Variants in COL15A1 observed in about 807,000 individuals in gnomAD.
COL15A1 encodes collagen alpha-1(XV) chain.
In COL15A1, 111 loss-of-function variants were observed where a neutral mutation model predicts 165.9. The observed-to-expected ratio is 0.67, with a 90% confidence interval of 0.57 to 0.78. COL15A1 has a LOEUF of 0.78. COL15A1 is among the 30% of genes least tolerant of loss of function. The pLI is 0.00. For missense variants in COL15A1, 1,745 were observed against 1,789.7 expected (o/e 0.98, Z 0.45); for synonymous variants, 659 against 674.8 (o/e 0.98, Z 0.36).
intron 2 of COL15A1, among the ~76,000 whole-genome samples, chr9:98,976,879 G>A (rs936994179): frequency 2.6e-5 from 4 of 152,112 alleles, no homozygotes; most frequent in Admixed American, 1.3e-4. Context: ...ACCTGGTGGG[G>A]GAATCCAAGA....
intron 9 of COL15A1, among the ~76,000 whole-genome samples, chr9:99,012,744 C>T (rs1217574264): frequency 7.6e-6 from 1 of 131,666 alleles, no homozygotes; most frequent in Admixed American, 8.4e-5. Flanking sequence ...CGGAGTCTCC[C>T]TCTATTGCCC....
intron 2 of COL15A1, among the ~76,000 whole-genome samples, chr9:98,957,094 G>A (rs976546309): frequency 3.3e-5 from 5 of 152,192 alleles, no homozygotes; most frequent in African/African-American, 2.4e-5. Flanking sequence ...AATCAAGGCT[G>A]ATAATCAGCT....
chr9:99,055,897 G>A (rs1335222316), intron 34 of COL15A1, among the ~76,000 whole-genome samples: 1 of 152,220 alleles, frequency 6.6e-6, no homozygotes, highest in Non-Finnish European at 1.5e-5. Context: ...AACCAGCAAA[G>A]CCAGAGATCA....
chr9:99,056,360 C>T lies in COL15A1; in HGVS notation c.3293C>T (p.Pro1098Leu), dbSNP rs373043871. The change falls in exon 35 of 42, where the codon CCG (proline) becomes CTG (leucine). Residue 1098 changes from proline (P) to leucine (L), a missense_variant. Pro to Leu is a moderately conservative substitution (Grantham distance 98). Coordinates refer to ENST00000375001, the MANE Select transcript of COL15A1 (RefSeq NM_001855.5). Reference protein sequence around the residue: ...GFGRPGDPGPPGPPGPPGPPA... With the variant: ...GFGRPGDPGPLGPPGPPGPPA... ...GGAAGACCTGGTGATCCTGGGCCACCGGGGCCCCCGGGGCCACCAGGACCT... is the reference window on the plus strand; with the variant it reads ...GGAAGACCTGGTGATCCTGGGCCACTGGGGCCCCCGGGGCCACCAGGACCT... 13 of 1,612,932 alleles carry T rather than the reference C, an allele frequency of 8.1e-6. No homozygotes were observed. Among genetic ancestry groups the T allele is most frequent in the African/African-American group, 4.0e-5 (3 of 74,976 alleles).
In COL15A1 at chr9:99,069,793, G is replaced by C; in HGVS notation, c.4074G>C (p.Thr1358=). 1 of 1,614,236 alleles carries C rather than the reference G, an allele frequency of 6.2e-7. No homozygotes were observed. The highest frequency in any genetic ancestry group is 8.5e-7 in the Non-Finnish European group (1 of 1,180,042). The change falls in exon 42 of 42, where the codon ACG becomes ACC. Residue 1358 remains threonine, a synonymous_variant. Coordinates refer to ENST00000375001, the MANE Select transcript of COL15A1 (RefSeq NM_001855.5). ...CGGGACTTGCCTCCCCGCTGAGCAC[G>C]GGGAAGATTCTGGACCAGAAAGCAT... ...AVTGLASPLS[T]GKILDQKAYS... is the part of the protein sequence containing the mutation.
chr9:99,021,849 G>C (rs560441142), intron 12 of COL15A1, among the ~76,000 whole-genome samples: 1 of 152,208 alleles, frequency 6.6e-6, no homozygotes, highest in African/African-American at 2.4e-5. Flanking sequence ...TGTGTGATGC[G>C]TGCTCATACT....
At position 98,996,431 on chromosome 9, in the gene COL15A1, G is replaced by C. The variant is rs1338569597; in HGVS notation, c.805-503G>C. Among the ~76,000 whole-genome samples the C allele has an allele frequency of 3.3e-5, 5 of 152,324 alleles. No homozygotes were observed. In the East Asian group the frequency reaches 9.6e-4, roughly 29 times the overall value. On this transcript the variant is annotated intron_variant, in intron 5 of 41. Transcript: ENST00000375001. Reference sequence around the variant, plus strand: ...TTGCTTTTCTCTAGTTGGTAATGTTGGTTAAGACACTGACTGGCTTTGGAA... The same window carrying C: ...TTGCTTTTCTCTAGTTGGTAATGTTCGTTAAGACACTGACTGGCTTTGGAA...
chr9:99,060,107 T>C (rs901095355), intron 36 of COL15A1, among the ~76,000 whole-genome samples, 154 bp downstream of exon 36: 1 of 151,172 alleles, frequency 6.6e-6, no homozygotes, highest in Non-Finnish European at 1.5e-5. Context: ...AGGGATTTGT[T>C]ATCTATTTGG....
At chr9:98,977,623 A>G (rs910705218) in intron 2 of COL15A1, among the ~76,000 whole-genome samples, 2 of 151,054 alleles carry the variant, frequency 1.3e-5, no homozygotes, top group African/African-American at 2.4e-5. Flanking sequence ...CTTGCTCTAC[A>G]TTCATGGCTG....
intron 22 of COL15A1, among the ~76,000 whole-genome samples, chr9:99,039,587 A>C (rs762193934): frequency 3.9e-5 from 6 of 152,246 alleles, no homozygotes; most frequent in Non-Finnish European, 5.9e-5. Flanking sequence ...CAATGGCCCT[A>C]AGATGAAGGA....
At chr9:99,060,916 A>G (rs1825805890) in intron 36 of COL15A1, among the ~76,000 whole-genome samples, 1 of 152,182 alleles carries the variant, frequency 6.6e-6, no homozygotes, top group African/African-American at 2.4e-5. Flanking sequence ...CAAAAGCCCA[A>G]GAGCATAAAC....
intron 10 of COL15A1, 44 bp from the exon 11 acceptor site, chr9:99,015,932 A>T: frequency 6.2e-7 from 1 of 1,600,918 alleles, no homozygotes; most frequent in East Asian, 2.2e-5. Context: ...TGGCAGCCTC[A>T]TGAGCGAGGT....
At chr9:99,002,670 C>G (rs1435151612) in intron 7 of COL15A1, among the ~76,000 whole-genome samples, 5 of 152,172 alleles carry the variant, frequency 3.3e-5, no homozygotes, top group African/African-American at 9.7e-5. Context: ...CAACTTTCCT[C>G]TAACTGTTTT....
At chr9:99,030,130 T>C (rs948003875) in intron 16 of COL15A1, among the ~76,000 whole-genome samples, 6 of 152,206 alleles carry the variant, frequency 3.9e-5, no homozygotes, top group African/African-American at 1.4e-4. Flanking sequence ...GTAATGTCCT[T>C]AGAAAATCCA....
chr9:99,002,781 T>C (rs1352777347), intron 7 of COL15A1, among the ~76,000 whole-genome samples: 4 of 152,262 alleles, frequency 2.6e-5, no homozygotes, highest in African/African-American at 9.6e-5. Flanking sequence ...CCTCTTTTTA[T>C]AGATTCTGAG....
chr9:99,010,485 G>A (rs1374157737), intron 9 of COL15A1, among the ~76,000 whole-genome samples: 1 of 152,224 alleles, frequency 6.6e-6, no homozygotes, highest in Non-Finnish European at 1.5e-5. Context: ...GTGAGAAGGG[G>A]AGTGGAAGAA....
chr9:99,040,425 G>A, intron 22 of COL15A1, 96 bp from the exon 23 acceptor site: 1 of 1,598,792 alleles, frequency 6.3e-7, no homozygotes, highest in Non-Finnish European at 8.6e-7. Flanking sequence ...GTGGGAACAT[G>A]CTGAGGCCTT....
chr9:98,955,236 T>C (rs1429186449), intron 2 of COL15A1, among the ~76,000 whole-genome samples: 1 of 152,234 alleles, frequency 6.6e-6, no homozygotes, highest in African/African-American at 2.4e-5. Context: ...AAGGTGGTGA[T>C]GCTGAGTCCC....
chr9:98,986,100 CGA>C lies in COL15A1; in HGVS notation c.641_642del (p.Arg214IlefsTer22). The C allele has an allele frequency of 6.2e-7, 1 of 1,612,378 alleles. No individual in the cohort carries two copies. The highest frequency in any genetic ancestry group is 8.5e-7 in the Non-Finnish European group (1 of 1,179,138). On this transcript the variant is annotated frameshift_variant, in exon 3 of 42. Transcript: ENST00000375001. LOFTEE classifies it high-confidence loss of function. ...TGGGCAATGCAGGAGCTACAGGGCT[CGA>C]GAGATTCACTGTGAGTTAAAGTCCC... ...FMGNAGATGL[E>X]RFTGSLQQLT...
Sources: allele counts gnomAD v4.1 joint callset (sites outside exome capture counted in the v4.1 genomes callset), GRCh38; gene constraint gnomAD v4.1.1; transcripts MANE v1.5; gene names NCBI Gene and HGNC (gene_info 2026-07-23, HGNC 2026-07-21).